Variants in ARSH observed in about 807,000 individuals in gnomAD.
ARSH encodes arylsulfatase H.
ARSH carries 32 observed loss-of-function variants against 28.7 expected under a neutral mutation model. The ratio of observed to expected loss-of-function variants is 1.11; its 90% CI spans 0.84 to 1.50. The LOEUF (loss-of-function observed/expected upper bound fraction) is 1.50, where lower values mean the gene tolerates loss of function less well. Among genes scored for constraint, ARSH ranks in the 40% most tolerant of loss-of-function variants. The pLI, the probability that ARSH is intolerant of heterozygous loss-of-function variation, is 0.00. For synonymous variants in ARSH, 176 were observed against 177.3 expected, an observed-to-expected ratio of 0.99 and a Z score of 0.06; for missense variants, 440 against 452.4, an observed-to-expected ratio of 0.97 and a Z score of 0.25.
chrX:3,024,655 A>T (rs1230284116), intron 6 of ARSH, among the ~76,000 whole-genome samples: 1 of 111,694 alleles, frequency 9.0e-6, no homozygotes, highest in East Asian at 2.8e-4. Context: ...CAGGTTTTTA[A>T]TTCAATCACA....
At chrX:3,012,633 C>T (rs1325443857) in intron 2 of ARSH, among the ~76,000 whole-genome samples, 4 of 63,973 alleles carry the variant, frequency 6.3e-5, no homozygotes, top group Admixed American at 2.3e-4. Context: ...CACACACACA[C>T]ATATGAAAAA....
intron 5 of ARSH, among the ~76,000 whole-genome samples, chrX:3,021,979 C>A (rs1265069615): frequency 9.1e-6 from 1 of 109,428 alleles, no homozygotes; most frequent in Non-Finnish European, 1.9e-5. Context: ...TGGGCTCAAG[C>A]AAACTTCCCA....
chrX:3,007,247 TAAA>T (rs60947162), intron 1 of ARSH, among the ~76,000 whole-genome samples: 2,793 of 92,250 alleles, frequency 0.03, 108 homozygotes, highest in African/African-American at 0.1. Context: ...AGACTCTGTT[TAAA>T]AAAAAAAAAA....
At chrX:3,025,060 A>G (rs1370279553) in intron 6 of ARSH, among the ~76,000 whole-genome samples, 1 of 110,062 alleles carries the variant, frequency 9.1e-6, no homozygotes, top group Non-Finnish European at 1.9e-5. Context: ...CTATGTATAT[A>G]AATTCACCGT....
At chrX:3,020,482 C>T (rs577463626) in intron 5 of ARSH, among the ~76,000 whole-genome samples, 26 of 95,437 alleles carry the variant, frequency 2.7e-4, no homozygotes, top group African/African-American at 9.5e-4. Flanking sequence ...CCAGCTACTC[C>T]GGAGGCTGAG....
chrX:3,006,735 T>C, intron 1 of ARSH, 31 bp downstream of exon 1: 2 of 1,100,312 alleles, frequency 1.8e-6, no homozygotes, highest in Non-Finnish European at 2.5e-6. Flanking sequence ...CCTCCCTGTA[T>C]GTGGGAGTCT....
intron 8 of ARSH, among the ~76,000 whole-genome samples, chrX:3,032,526 A>G (rs186179873): frequency 5.7e-5 from 6 of 104,914 alleles, no homozygotes; most frequent in Non-Finnish European, 1.2e-4. Context: ...GAAAAGAAGA[A>G]AACAGAAATG....
At chrX:3,018,816 A>C in intron 5 of ARSH, 146 bp downstream of exon 5, 1 of 592,815 alleles carries the variant, frequency 1.7e-6, no homozygotes, top group Non-Finnish European at 2.5e-6. Flanking sequence ...TTGGATTAAA[A>C]GCTGGCTTTT....
At position 3,008,207 on chromosome X, in the gene ARSH, C is replaced by T. The variant is rs182727742; in HGVS notation, c.92+1503C>T. On this transcript the variant is annotated intron_variant, in intron 1 of 8. Transcript: ENST00000381130. The stretch of plus-strand genomic sequence containing the variant: ...TGAATACTTTTTCATTATATACATA[C>T]ACCACATTAGTCTACAGTTTTAAAA... Among the ~76,000 whole-genome samples, 397 of 112,172 alleles carry T rather than the reference C, an allele frequency of 3.5e-3. 2 individuals carry two copies. The highest frequency in any genetic ancestry group is 0.014 in the Middle Eastern group (3 of 217).
At chrX:3,006,725 C>T (rs866349747) in intron 1 of ARSH, 21 bp downstream of exon 1, 1 of 1,160,637 alleles carries the variant, frequency 8.6e-7, no homozygotes, top group African/African-American at 1.8e-5. Flanking sequence ...ACTCTGACCC[C>T]CTCCCTGTAT....
intron 1 of ARSH, 75 bp downstream of exon 1, chrX:3,006,779 A>G: frequency 2.3e-6 from 2 of 878,713 alleles, no homozygotes; most frequent in South Asian, 2.5e-5. Flanking sequence ...TTGCCGTTGC[A>G]GAGAAGGGTT....
intron 8 of ARSH, among the ~76,000 whole-genome samples, chrX:3,032,137 A>G: frequency 9.1e-6 from 1 of 110,304 alleles, no homozygotes; most frequent in Non-Finnish European, 1.9e-5. Flanking sequence ...TGATCTCTGC[A>G]GCCAGGCATG....
intron 1 of ARSH, among the ~76,000 whole-genome samples, chrX:3,007,941 A>C (rs994366916): frequency 3.6e-5 from 4 of 111,408 alleles, no homozygotes; most frequent in Non-Finnish European, 5.6e-5. Flanking sequence ...CTATTGGATA[A>C]GGGTCCACTT....
chrX:3,020,344 C>G (rs1301449069), intron 5 of ARSH, among the ~76,000 whole-genome samples: 1 of 97,123 alleles, frequency 1.0e-5, no homozygotes, highest in African/African-American at 3.8e-5. Flanking sequence ...AATCCCAGCA[C>G]TTTGGGAGGC....
chrX:3,013,262 G>C (rs1430598651), intron 3 of ARSH, 90 bp downstream of exon 3: 2 of 1,037,115 alleles, frequency 1.9e-6, no homozygotes, highest in Non-Finnish European at 2.6e-6. Context: ...TTGGCTTTGT[G>C]CGCGCCAGTT....
chrX:3,033,233 G>A lies in ARSH; in HGVS notation c.1537G>A (p.Ala513Thr). The A allele has an allele frequency of 8.3e-7, 1 of 1,211,642 alleles. No homozygotes were observed. The highest frequency in any genetic ancestry group is 1.1e-6 in the Non-Finnish European group (1 of 895,443). ...CTCCGTGATCAAAAAGATGGAGGCA[G>A]CCATAAGAGAGCATCGTAGGACACT... The part of the protein sequence containing the change: ...FDSVIKKMEA[A>T]IREHRRTLTP... Residue 513 changes from alanine to threonine, a missense_variant, in exon 9 of 9, where the codon GCC becomes ACC. Physicochemically the swap from Ala to Thr is moderately conservative, Grantham distance 58. Coordinates refer to ENST00000381130, the MANE Select transcript of ARSH (RefSeq NM_001011719.2).
chrX:3,026,537 T>A, intron 6 of ARSH, among the ~76,000 whole-genome samples: 1 of 112,149 alleles, frequency 8.9e-6, no homozygotes, highest in East Asian at 2.8e-4. Flanking sequence ...GAGAGGTTCC[T>A]ATTTTTTCTT....
At chrX:3,028,651 A>T (rs916996398) in intron 7 of ARSH, among the ~76,000 whole-genome samples, 2 of 112,157 alleles carry the variant, frequency 1.8e-5, no homozygotes, top group Non-Finnish European at 3.8e-5. Context: ...CCAATCCACA[A>T]CAGTAACTCA....
intron 8 of ARSH, among the ~76,000 whole-genome samples, chrX:3,032,562 A>C (rs1430910756): frequency 9.6e-6 from 1 of 103,856 alleles, no homozygotes; most frequent in Non-Finnish European, 2.0e-5. Context: ...GAAAGAAGAG[A>C]GTGAGAAAGA....
Sources: allele counts gnomAD v4.1 joint callset (sites outside exome capture counted in the v4.1 genomes callset), GRCh38; gene constraint gnomAD v4.1.1; transcripts MANE v1.5; gene names NCBI Gene and HGNC (gene_info 2026-07-23, HGNC 2026-07-21).